The following HECW2 variants were observed in gnomAD, a reference collection of about 807,000 sequenced individuals.
The protein encoded by HECW2 is HECT, C2 and WW domain containing E3 ubiquitin protein ligase 2.
A neutral mutation model predicts 175.2 loss-of-function variants in HECW2; 61 were observed. The ratio of observed to expected loss-of-function variants is 0.35; its 90% CI spans 0.28 to 0.43. The LOEUF is 0.43. HECW2 is among the 20% of genes least tolerant of loss of function. The pLI is 1.00. For synonymous variants in HECW2, 671 were observed against 731.0 expected, an observed-to-expected ratio of 0.92 and a Z score of 1.32; for missense variants, 1,524 against 2,000.5, an observed-to-expected ratio of 0.76 and a Z score of 4.54.
rs1190317667 is a variant in HECW2, at chr2:196,199,861, T to C, written c.*1416A>G. On this transcript the variant is annotated 3_prime_UTR_variant, in exon 29 of 29. Transcript: ENST00000644978. ...CCATAGAAAAACTGTCTCTTAATAT[T>C]AATAAGAAAATTATGCATCAGTGAA... The C allele has an allele frequency of 1.3e-5, 2 of 152,318 alleles. No individual in the cohort carries two copies. The highest frequency in any genetic ancestry group is 2.9e-5 in the Non-Finnish European group (2 of 68,006). 9.4% of individuals were successfully genotyped at this position (152,318 alleles called of 1,614,324 possible).
intron 1 of HECW2, among the ~76,000 whole-genome samples, chr2:196,523,237 AT>A (rs1366152131): frequency 6.6e-6 from 1 of 152,120 alleles, no homozygotes; most frequent in Non-Finnish European, 1.5e-5. Flanking sequence ...CTTTGAAGCA[AT>A]TGTGAATGGG....
intron 3 of HECW2, among the ~76,000 whole-genome samples, chr2:196,340,966 A>T (rs1692730170): frequency 6.6e-6 from 1 of 152,136 alleles, no homozygotes; most frequent in African/African-American, 2.4e-5. Context: ...CTTCATTCCC[A>T]ACTCCTAGTT....
chr2:196,404,817 CTCTTT>C lies in HECW2; in HGVS notation c.292+28310_292+28314del, dbSNP rs1242796417. Among the ~76,000 whole-genome samples, 49 of 109,722 alleles carry C rather than the reference CTCTTT, an allele frequency of 4.5e-4. 1 individual carries two copies. The highest frequency in any genetic ancestry group is 9.3e-4 in the African/African-American group (28 of 30,230). 72.0% of individuals were successfully genotyped at this position (109,722 alleles called of 152,430 possible). ...TATTTCTTTTTTTTTCTTTTTTCTT[CTCTTT>C]TTTTTTTTTTTTTTTTTTTTGAGAC... On this transcript the variant is annotated intron_variant, in intron 2 of 28. Coordinates refer to ENST00000644978, the MANE Select transcript of HECW2 (RefSeq NM_001348768.2).
chr2:196,257,388 C>T (rs919767387), intron 18 of HECW2, among the ~76,000 whole-genome samples: 18 of 152,126 alleles, frequency 1.2e-4, no homozygotes, highest in Non-Finnish European at 2.1e-4. Flanking sequence ...AACGTACACC[C>T]TCAAAACCAC....
chr2:196,296,655 T>C (rs1006800), intron 13 of HECW2, among the ~76,000 whole-genome samples: 10,656 of 152,172 alleles, frequency 0.07, 429 homozygotes, highest in East Asian at 0.13. Context: ...GGCCTGATCA[T>C]TCAAAAGGAT....
intron 1 of HECW2, among the ~76,000 whole-genome samples, chr2:196,583,434 A>G (rs72914654): frequency 0.043 from 6,475 of 152,314 alleles, 198 homozygotes; most frequent in Non-Finnish European, 0.067. Flanking sequence ...TGCATCCAAC[A>G]TATGTGAGGA....
chr2:196,344,332 A>AG (rs1692874582), intron 2 of HECW2, among the ~76,000 whole-genome samples: 1 of 150,040 alleles, frequency 6.7e-6, no homozygotes, highest in South Asian at 2.1e-4. Flanking sequence ...GAAAAAAAAA[A>AG]AAAAAAAAAA....
chr2:196,564,208 A>G (rs1690103321), intron 1 of HECW2, among the ~76,000 whole-genome samples: 1 of 152,082 alleles, frequency 6.6e-6, no homozygotes. Context: ...ACTGGTCTAC[A>G]CTCTTCAAAT....
intron 16 of HECW2, among the ~76,000 whole-genome samples, chr2:196,272,338 T>G (rs1227606896): frequency 6.6e-6 from 1 of 152,156 alleles, no homozygotes. Context: ...AACTTAAAAA[T>G]AGTTAATTAA....
At chr2:196,585,313 A>T (rs1690935260) in intron 1 of HECW2, among the ~76,000 whole-genome samples, 1 of 152,224 alleles carries the variant, frequency 6.6e-6, no homozygotes. Flanking sequence ...AGCCTGGCAT[A>T]TAAGGTTCAA....
chr2:196,571,140 A>G (rs1161637981), intron 1 of HECW2, among the ~76,000 whole-genome samples: 2 of 152,228 alleles, frequency 1.3e-5, no homozygotes, highest in Non-Finnish European at 2.9e-5. Flanking sequence ...CCTTTACACA[A>G]AAATAATAAC....
At chr2:196,488,805 T>G (rs995784348) in intron 1 of HECW2, among the ~76,000 whole-genome samples, 1 of 152,090 alleles carries the variant, frequency 6.6e-6, no homozygotes, top group African/African-American at 2.4e-5. Flanking sequence ...ATTTTTAAGG[T>G]CAAAATAGGA....
chr2:196,475,467 A>G (rs995350342), intron 1 of HECW2, among the ~76,000 whole-genome samples: 3 of 152,068 alleles, frequency 2.0e-5, no homozygotes, highest in Non-Finnish European at 4.4e-5. Flanking sequence ...TAACTGAAAA[A>G]TTGAGGAGTG....
intron 28 of HECW2, among the ~76,000 whole-genome samples, chr2:196,211,688 T>G (rs1687291685): frequency 6.6e-6 from 1 of 152,150 alleles, no homozygotes; most frequent in Non-Finnish European, 1.5e-5. Context: ...GCTTGAAAAT[T>G]GAAAGGCCCT....
At chr2:196,344,322 GA>G (rs60573890) in intron 2 of HECW2, among the ~76,000 whole-genome samples, 12 of 67,636 alleles carry the variant, frequency 1.8e-4, no homozygotes, top group South Asian at 6.8e-4. Flanking sequence ...GACAAGATAA[GA>G]AAAAAAAAAA....
chr2:196,446,906 T>A (rs2125300364), intron 1 of HECW2, among the ~76,000 whole-genome samples: 1 of 152,294 alleles, frequency 6.6e-6, no homozygotes, highest in Middle Eastern at 3.4e-3. Flanking sequence ...GTTCTTGCAC[T>A]AGAACAAACA....
chr2:196,331,187 T>G (rs1692344908), intron 4 of HECW2: 2 of 985,464 alleles, frequency 2.0e-6, no homozygotes, highest in Non-Finnish European at 2.4e-6. Flanking sequence ...TCCAGGTATC[T>G]GTTTTTCCTT....
intron 2 of HECW2, among the ~76,000 whole-genome samples, chr2:196,430,973 C>T (rs1695693811): frequency 6.6e-6 from 1 of 152,028 alleles, no homozygotes; most frequent in South Asian, 2.1e-4. Flanking sequence ...AAGAAAATCA[C>T]ACCTAAGTAT....
intron 14 of HECW2, chr2:196,289,262 C>T (rs1690510336): frequency 6.6e-6 from 1 of 151,870 alleles, no homozygotes; most frequent in South Asian, 2.1e-4. Context: ...ATATGGACAT[C>T]CTGTTTCATA....
Sources: allele counts gnomAD v4.1 joint callset (sites outside exome capture counted in the v4.1 genomes callset), GRCh38; gene constraint gnomAD v4.1.1; transcripts MANE v1.5; gene names NCBI Gene and HGNC (gene_info 2026-07-23, HGNC 2026-07-21).